Variants in SGCZ observed in about 807,000 individuals in gnomAD.
SGCZ encodes zeta-sarcoglycan.
Under a neutral mutation model 41.3 loss-of-function variants are expected in SGCZ, and 40 were observed. The ratio of observed to expected loss-of-function variants is 0.97; its 90% CI spans 0.75 to 1.26. The LOEUF is 1.26. Ranked by LOEUF, SGCZ falls within the 50% of genes most tolerant of loss-of-function variation. The pLI is 0.00. For missense variants in SGCZ, 552 were observed against 369.8 expected (o/e 1.49, Z -4.04); for synonymous variants, 206 against 137.5 (o/e 1.50, Z -3.49).
chr8:14,121,793 A>T (rs1413937336), intron 5 of SGCZ, among the ~76,000 whole-genome samples: 1 of 152,234 alleles, frequency 6.6e-6, no homozygotes, highest in African/African-American at 2.4e-5. Flanking sequence ...TAAATAACTC[A>T]TTTAATTTTT....
chr8:14,979,722 C>A (rs1009517664), intron 1 of SGCZ, among the ~76,000 whole-genome samples: 1 of 152,126 alleles, frequency 6.6e-6, no homozygotes, highest in East Asian at 1.9e-4. Flanking sequence ...TAAAAAAGTT[C>A]TTCATTTCTT....
intron 1 of SGCZ, among the ~76,000 whole-genome samples, chr8:14,565,409 G>C (rs933732857): frequency 4.6e-5 from 7 of 151,834 alleles, no homozygotes; most frequent in Non-Finnish European, 7.4e-5. Flanking sequence ...AATAAGAATA[G>C]AAATACTTAG....
intron 1 of SGCZ, among the ~76,000 whole-genome samples, chr8:14,794,546 T>G (rs927816607): frequency 5.3e-5 from 8 of 152,046 alleles, no homozygotes; most frequent in African/African-American, 1.9e-4. Flanking sequence ...GAAAAGACTG[T>G]ACAAAATAAG....
At chr8:14,587,852 G>T (rs10094685) in intron 1 of SGCZ, among the ~76,000 whole-genome samples, 5,759 of 152,026 alleles carry the variant, frequency 0.038, 257 homozygotes, top group African/African-American at 0.11. Flanking sequence ...TTTGCTATTT[G>T]GGTTTACCAA....
intron 5 of SGCZ, among the ~76,000 whole-genome samples, chr8:14,137,168 T>A (rs767585082): frequency 1.8e-4 from 28 of 152,130 alleles, no homozygotes; most frequent in Non-Finnish European, 3.2e-4. Context: ...CCTCATCTAT[T>A]GGTCACCATC....
At chr8:14,181,559 T>C (rs1227905287) in intron 4 of SGCZ, among the ~76,000 whole-genome samples, 1 of 152,178 alleles carries the variant, frequency 6.6e-6, no homozygotes, top group African/African-American at 2.4e-5. Flanking sequence ...TGAATTGTAA[T>C]AATCCCCATG....
intron 6 of SGCZ, among the ~76,000 whole-genome samples, chr8:14,103,248 CTATCTTCAAA>C (rs1387320853): frequency 6.6e-6 from 1 of 150,850 alleles, no homozygotes. Context: ...AGTTTTCAAA[CTATCTTCAAA>C]TATAACACTA....
intron 1 of SGCZ, among the ~76,000 whole-genome samples, chr8:14,559,312 C>T (rs1804136246): frequency 6.6e-6 from 1 of 152,068 alleles, no homozygotes; most frequent in Non-Finnish European, 1.5e-5. Flanking sequence ...GTACACAAAT[C>T]AGTAGTTCTG....
At chr8:14,117,728 T>C (rs1488113302) in intron 5 of SGCZ, among the ~76,000 whole-genome samples, 1 of 151,308 alleles carries the variant, frequency 6.6e-6, no homozygotes, top group Non-Finnish European at 1.5e-5. Flanking sequence ...ATGTTATCCC[T>C]CCCTTAGTCC....
intron 5 of SGCZ, among the ~76,000 whole-genome samples, chr8:14,163,955 G>C (rs1804128691): frequency 6.6e-6 from 1 of 152,116 alleles, no homozygotes; most frequent in African/African-American, 2.4e-5. Flanking sequence ...TGTGAATCAA[G>C]TAATTCAGAA....
intron 4 of SGCZ, among the ~76,000 whole-genome samples, chr8:14,165,992 C>A (rs1466863400): frequency 6.6e-6 from 1 of 152,074 alleles, no homozygotes; most frequent in African/African-American, 2.4e-5. Flanking sequence ...GAGGAGCATT[C>A]ATCAAGAGAA....
intron 3 of SGCZ, among the ~76,000 whole-genome samples, chr8:14,261,047 T>G (rs1563219364): frequency 6.6e-6 from 1 of 152,074 alleles, no homozygotes; most frequent in Admixed American, 6.6e-5. Context: ...TGTATACGTA[T>G]GTAACTAACC....
intron 1 of SGCZ, among the ~76,000 whole-genome samples, chr8:14,909,940 T>G (rs1164962302): frequency 6.6e-6 from 1 of 152,114 alleles, no homozygotes; most frequent in Non-Finnish European, 1.5e-5. Context: ...GTACTATATT[T>G]TAACCATTTA....
chr8:14,390,911 G>A (rs1286587284), intron 2 of SGCZ, among the ~76,000 whole-genome samples: 1 of 152,012 alleles, frequency 6.6e-6, no homozygotes, highest in African/African-American at 2.4e-5. Context: ...CCACTCATGA[G>A]AAATCAGAGA....
At chr8:14,189,035 T>C (rs202135884) in intron 4 of SGCZ, among the ~76,000 whole-genome samples, 1 of 150,082 alleles carries the variant, frequency 6.7e-6, no homozygotes, top group Non-Finnish European at 1.5e-5. Context: ...TTTTTTGTAT[T>C]TTTAGTAGAG....
chr8:14,618,756 A>G (rs1806188737), intron 1 of SGCZ, among the ~76,000 whole-genome samples: 1 of 152,186 alleles, frequency 6.6e-6, no homozygotes, highest in Non-Finnish European at 1.5e-5. Context: ...GGTAATAGCC[A>G]CCGAGGTCAT....
intron 1 of SGCZ, among the ~76,000 whole-genome samples, chr8:14,701,790 C>A (rs1424852234): frequency 6.6e-6 from 1 of 151,906 alleles, no homozygotes; most frequent in East Asian, 1.9e-4. Flanking sequence ...TTCCTACTAA[C>A]ATGTGACCTC....
intron 1 of SGCZ, among the ~76,000 whole-genome samples, chr8:14,726,167 G>T (rs1810043332): frequency 1.3e-5 from 2 of 150,684 alleles, no homozygotes; most frequent in Admixed American, 6.6e-5. Context: ...GCTGAGGCAG[G>T]AGAATCACTT....
At chr8:14,559,856 A>G (rs930528456) in intron 1 of SGCZ, among the ~76,000 whole-genome samples, 1 of 152,124 alleles carries the variant, frequency 6.6e-6, no homozygotes, top group Non-Finnish European at 1.5e-5. Context: ...ATTTAAGTTA[A>G]CATGTACTAT....
Sources: gnomAD v4.1 joint callset for allele counts (sites outside exome capture counted in the v4.1 genomes callset) on GRCh38, gnomAD v4.1.1 for gene constraint, MANE v1.5 for transcripts, NCBI Gene and HGNC (gene_info 2026-07-23, HGNC 2026-07-21) for gene names.